The following TTC21A variants were observed in gnomAD, a reference collection of about 807,000 sequenced individuals.
TTC21A encodes the protein tetratricopeptide repeat domain 21A.
In TTC21A, 128 loss-of-function variants were observed where a neutral mutation model predicts 156.4. That is an observed-to-expected ratio of 0.82 (90% CI 0.71 to 0.95). The LOEUF (loss-of-function observed/expected upper bound fraction) is 0.95, where lower values mean the gene tolerates loss of function less well. Among genes scored for constraint, TTC21A ranks in the 40% least tolerant of loss-of-function variants. The pLI is 0.00. For missense variants in TTC21A, 1,435 were observed against 1,602.3 expected (o/e 0.90, Z 1.78); for synonymous variants, 587 against 617.1 (o/e 0.95, Z 0.72).
chr3:39,107,847 A>G lies in TTC21A; in HGVS notation c.10A>G (p.Asn4Asp). ...CCGCGAGCGGCCCGAGATGAGCAGC[A>G]ATGACTCCTCCCTTATGGTGCGTGG... MSS[N>D]DSSLMAGIIY... is the part of the protein sequence containing the mutation. Residue 4 changes from asparagine (N) to aspartate (D), a missense_variant, in exon 1 of 29, where the codon AAT (asparagine) becomes GAT (aspartate). Asn to Asp is a conservative substitution (Grantham distance 23). Coordinates refer to ENST00000683103, the MANE Select transcript of TTC21A (RefSeq NM_001366900.1). 1.9e-6 allele frequency: 3 copies of G among 1,612,914 alleles called. No individual in the cohort carries two copies. Among genetic ancestry groups the G allele is most frequent in the Non-Finnish European group, 1.7e-6 (2 of 1,179,956 alleles).
chr3:39,130,835 CAT>C lies in TTC21A; in HGVS notation c.2455_2456del (p.Ile819CysfsTer10). 6.2e-7 allele frequency: 1 copy of C among 1,614,182 alleles called. No individual in the cohort carries two copies. The highest frequency in any genetic ancestry group is 1.3e-5 in the African/African-American group (1 of 75,054). Reference protein sequence around the residue: ...KVLKQALEHDIVQDIPSMMND... With the variant: ...KVLKQALEHDXVQDIPSMMND... ...TTTTGAAGCAGGCACTGGAACATGA[CAT>C]TGGTGAGGCAGCATTGTAACCCATT... On this transcript the variant is annotated frameshift_variant and splice_region_variant, in exon 18 of 29. Coordinates refer to ENST00000683103, the MANE Select transcript of TTC21A (RefSeq NM_001366900.1). LOFTEE classifies it high-confidence loss of function. This position sits in a 1 kb window ranked among gnomAD's most constrained non-coding sequence, Gnocchi z 4.5.
In TTC21A at chr3:39,136,143, C is replaced by T. The variant is rs530269127; in HGVS notation, c.2945-214C>T. On this transcript the variant is annotated intron_variant, in intron 22 of 28. Transcript: ENST00000683103. ...CTTAATACCAGGTACAATATAAGTG[C>T]TATATAAGTGTTAGCTGCTATTCTT... 1.2e-5 allele frequency: 6 copies of T among 483,538 alleles called. No individual in the cohort carries two copies. In the South Asian group the frequency reaches 1.9e-4, roughly 15 times the overall value. 30.0% of individuals were successfully genotyped at this position (483,538 alleles called of 1,614,324 possible). A position where few individuals can be genotyped will look rare whatever the true frequency, so the allele number is the denominator to read the frequency against.
At position 39,138,614 on chromosome 3, in the gene TTC21A, C is replaced by T; in HGVS notation, c.3855C>T (p.Ile1285=). 3 of 1,614,244 alleles carry T rather than the reference C, an allele frequency of 1.9e-6. No individual in the cohort carries two copies. Among genetic ancestry groups the T allele is most frequent in the Non-Finnish European group, 2.5e-6 (3 of 1,180,044 alleles). The change falls in exon 28 of 29, where the codon ATC becomes ATT. Residue 1285 remains isoleucine, a synonymous_variant. Coordinates refer to ENST00000683103, the MANE Select transcript of TTC21A (RefSeq NM_001366900.1). The stretch of plus-strand genomic sequence containing the variant: ...AGAAATTTGTGGAGGCCATTGAAAT[C>T]TGCAACGATGTAAGCCAGCAGCCTT... ...KDKKFVEAIE[I]CNDVLREHPD...
chr3:39,109,207 CAAA>C lies in TTC21A; in HGVS notation c.151_153del (p.Lys51del). ...AGTTCTTTAAAGCCTATGGAGTCCT[CAAA>C]GAAGGTAAGGACTTGGCAGTGTTGG... On this transcript the variant is annotated inframe_deletion, in exon 2 of 29. Coordinates refer to ENST00000683103, the MANE Select transcript of TTC21A (RefSeq NM_001366900.1). 1.2e-6 allele frequency: 2 copies of C among 1,613,408 alleles called. No individual in the cohort carries two copies. Among genetic ancestry groups the C allele is most frequent in the Non-Finnish European group, 1.7e-6 (2 of 1,179,438 alleles).
intron 22 of TTC21A, among the ~76,000 whole-genome samples, chr3:39,135,494 C>T (rs888793313): frequency 2.0e-5 from 3 of 152,236 alleles, no homozygotes; most frequent in African/African-American, 4.8e-5. Context: ...AATTCTCCCC[C>T]GTTGTATAGC....
In TTC21A at chr3:39,130,900, C is replaced by G; in HGVS notation, c.2458+61C>G. The G allele has an allele frequency of 6.2e-7, 1 of 1,609,878 alleles. No individual in the cohort carries two copies. The highest frequency in any genetic ancestry group is 8.5e-7 in the Non-Finnish European group (1 of 1,176,910). On this transcript the variant is annotated intron_variant, in intron 18 of 28. Transcript: ENST00000683103. The surrounding 1 kb of genome is among the most constrained non-coding windows in gnomAD (Gnocchi z 4.5). ...AGCAGACATACTCCTCCCCCATTCC[C>G]CATTAGCTGAAGTCCTGATCCCAGC...
intron 3 of TTC21A, 29 bp downstream of exon 3, chr3:39,110,168 G>T: frequency 6.4e-7 from 1 of 1,552,734 alleles, no homozygotes; most frequent in South Asian, 1.1e-5. Context: ...AACCAGGCCT[G>T]ACCCACCAGG....
At chr3:39,117,744 C>T (rs952644854) in intron 6 of TTC21A, among the ~76,000 whole-genome samples, 1 of 152,150 alleles carries the variant, frequency 6.6e-6, no homozygotes, top group Non-Finnish European at 1.5e-5. Context: ...TAGGATAATG[C>T]TCACATGGTC....
chr3:39,131,062 T>C lies in TTC21A; in HGVS notation c.2529T>C (p.His843=). ...TGCTGGCAAAGGTTTACAAGAGCCA[T>C]AAAAAAGAAGCTGTGATAGAAACTT... ...LLLLAKVYKS[H]KKEAVIETLN... The change falls in exon 19 of 29, where the codon CAT becomes CAC. Residue 843 remains histidine (H), a synonymous_variant. Coordinates refer to ENST00000683103, the MANE Select transcript of TTC21A (RefSeq NM_001366900.1). 2 of 1,612,294 alleles carry C rather than the reference T, an allele frequency of 1.2e-6. No individual in the cohort carries two copies. The highest frequency in any genetic ancestry group is 1.7e-6 in the Non-Finnish European group (2 of 1,179,978).
Position 39,134,379 on chromosome 3 carries a change from G to A in TTC21A, c.2862+51G>A. ...CTCCCCTCCCTTCCTCCCTTCCCAG[G>A]GTCCCTGTGACCAGATGCAGGCTAC... On this transcript the variant is annotated intron_variant, in intron 21 of 28. Coordinates refer to ENST00000683103, the MANE Select transcript of TTC21A (RefSeq NM_001366900.1). This position sits in a 1 kb window ranked among gnomAD's most constrained non-coding sequence, Gnocchi z 4.6. 1 of 1,344,820 alleles carries A rather than the reference G, an allele frequency of 7.4e-7. No individual in the cohort carries two copies. The highest frequency in any genetic ancestry group is 1.1e-6 in the Non-Finnish European group (1 of 934,526). 83.3% of individuals were successfully genotyped at this position (1,344,820 alleles called of 1,614,324 possible).
chr3:39,127,493 C>A (rs994802323), intron 12 of TTC21A, among the ~76,000 whole-genome samples: 1 of 152,196 alleles, frequency 6.6e-6, no homozygotes, highest in Non-Finnish European at 1.5e-5. Flanking sequence ...AAGCAGTCTC[C>A]AGCTGTGTAG....
At chr3:39,109,372 G>C (rs1277750409) in intron 2 of TTC21A, among the ~76,000 whole-genome samples, 158 bp downstream of exon 2, 1 of 152,146 alleles carries the variant, frequency 6.6e-6, no homozygotes, top group Non-Finnish European at 1.5e-5. Flanking sequence ...AGAGGCCTAC[G>C]TAATCCATAT....
At chr3:39,136,334 G>A in intron 22 of TTC21A, 23 bp from the exon 23 acceptor site, 1 of 1,603,336 alleles carries the variant, frequency 6.2e-7, no homozygotes, top group South Asian at 1.1e-5. Flanking sequence ...TTTCAGCCTG[G>A]AGATTTCTGT....
In TTC21A at chr3:39,110,086, C is replaced by T; in HGVS notation, c.215C>T (p.Ser72Phe). 6.2e-7 allele frequency: 1 copy of T among 1,614,166 alleles called. No individual in the cohort carries two copies. Among genetic ancestry groups the T allele is most frequent in the Non-Finnish European group, 8.5e-7 (1 of 1,180,022 alleles). Reference sequence around the variant, plus strand: ...AGCATCAGGCATCACCCAGACGTGTCCCTGTGCTCCACCATGGCCCTCATT... The same window carrying T: ...AGCATCAGGCATCACCCAGACGTGTTCCTGTGCTCCACCATGGCCCTCATT... ...LESIRHHPDV[S>F]LCSTMALIYA... The change falls in exon 3 of 29, where the codon TCC becomes TTC. Residue 72 changes from serine (S) to phenylalanine (F), a missense_variant. Coordinates refer to ENST00000683103, the MANE Select transcript of TTC21A (RefSeq NM_001366900.1).
Position 39,120,037 on chromosome 3 carries a change from C to A in TTC21A, c.900+17C>A, listed in dbSNP as rs368989751. ...AGCCGACTGGTAAGAAGGTTCTTTCCTGGTTCTGAAATGGTGCTTCTCCCT... is the reference window on the plus strand; with the variant it reads ...AGCCGACTGGTAAGAAGGTTCTTTCATGGTTCTGAAATGGTGCTTCTCCCT... On this transcript the variant is annotated intron_variant, in intron 8 of 28. Coordinates refer to ENST00000683103, the MANE Select transcript of TTC21A (RefSeq NM_001366900.1). 11 of 1,554,844 alleles carry A rather than the reference C, an allele frequency of 7.1e-6. No individual in the cohort carries two copies. Among genetic ancestry groups the A allele is most frequent in the Non-Finnish European group, 8.9e-6 (10 of 1,128,786 alleles).
intron 4 of TTC21A, 69 bp downstream of exon 4, chr3:39,111,086 C>G: frequency 6.7e-7 from 1 of 1,493,300 alleles, no homozygotes; most frequent in South Asian, 1.3e-5. Context: ...CAGGGTGGCC[C>G]TCATTCCCAC....
At chr3:39,133,982 G>T (rs2038924301) in intron 20 of TTC21A, among the ~76,000 whole-genome samples, 1 of 152,222 alleles carries the variant, frequency 6.6e-6, no homozygotes, top group Non-Finnish European at 1.5e-5. Flanking sequence ...AGGTGAAGCT[G>T]AAGGATGAAA....
In TTC21A at chr3:39,131,039, C is replaced by T; in HGVS notation, c.2506C>T (p.Leu836=). The stretch of plus-strand genomic sequence containing the variant: ...GAATGATGTTAAGTGCCTGCTTTTG[C>T]TGGCAAAGGTTTACAAGAGCCATAA... The part of the protein sequence containing the change: ...MMNDVKCLLL[L]AKVYKSHKKE... The change falls in exon 19 of 29, where the codon CTG becomes TTG. Residue 836 remains leucine, a synonymous_variant. Transcript: ENST00000683103. 4.3e-6 allele frequency: 7 copies of T among 1,613,606 alleles called. 1 individual carries two copies. The South Asian group carries it at 6.6e-5, about 15-fold the overall frequency.
Position 39,118,173 on chromosome 3 carries a change from A to C in TTC21A, c.801+20A>C. On this transcript the variant is annotated intron_variant, in intron 7 of 28. Coordinates refer to ENST00000683103, the MANE Select transcript of TTC21A (RefSeq NM_001366900.1). Reference sequence around the variant, plus strand: ...ACCACAGTAAGTTCTTTGAAGACTCAGAAGGTGATCCTTGAAACAGAATCA... The same window carrying C: ...ACCACAGTAAGTTCTTTGAAGACTCCGAAGGTGATCCTTGAAACAGAATCA... 6.2e-7 allele frequency: 1 copy of C among 1,612,482 alleles called. No homozygotes were observed. The highest frequency in any genetic ancestry group is 8.5e-7 in the Non-Finnish European group (1 of 1,178,508).
Sources: allele counts gnomAD v4.1 joint callset (sites outside exome capture counted in the v4.1 genomes callset), GRCh38; gene constraint gnomAD v4.1.1; non-coding constraint Gnocchi (gnomAD v3.1); transcripts MANE v1.5; gene names NCBI Gene and HGNC (gene_info 2026-07-23, HGNC 2026-07-21).